Variants in EPB41L4A observed in about 807,000 individuals in gnomAD.
EPB41L4A encodes the protein band 4.1-like protein 4A.
EPB41L4A carries 100 observed loss-of-function variants against 108.6 expected under a neutral mutation model. That is an observed-to-expected ratio of 0.92 (90% CI 0.78 to 1.09). The LOEUF is 1.09. Among genes scored for constraint, EPB41L4A ranks in the 50% least tolerant of loss-of-function variants. The probability of loss-of-function intolerance (pLI) is 0.00; values close to 1 mark genes in which losing one functional copy is unlikely to be tolerated. For synonymous variants in EPB41L4A, 319 were observed against 289.0 expected (o/e 1.10, Z -1.05); for missense variants, 1,030 against 842.7 (o/e 1.22, Z -2.75).
chr5:112,236,025 T>C lies in EPB41L4A; in HGVS notation c.966-1270A>G, dbSNP rs79548336. Among the ~76,000 whole-genome samples, 1,301 of 152,298 alleles carry C rather than the reference T, an allele frequency of 8.5e-3. 18 individuals carry two copies. Among genetic ancestry groups the C allele is most frequent in the African/African-American group, 0.029 (1,220 of 41,562 alleles). ...TGGTCTGGAGTATGAAGATAAGGCC[T>C]ACTTTCAACAGACTATTAACAGAAA... On this transcript the variant is annotated intron_variant, in intron 11 of 22. Transcript: ENST00000261486.
chr5:112,383,566 CA>C (rs1760303534), intron 1 of EPB41L4A, among the ~76,000 whole-genome samples: 1 of 151,910 alleles, frequency 6.6e-6, no homozygotes. Context: ...TTTATAATGG[CA>C]AAAATTAAGT....
chr5:112,320,561 G>A (rs535687154), intron 1 of EPB41L4A, among the ~76,000 whole-genome samples: 7 of 152,294 alleles, frequency 4.6e-5, no homozygotes, highest in Admixed American at 1.3e-4. Flanking sequence ...GCCTGTTTCC[G>A]ATTCTACAAG....
rs376742179 is a variant in EPB41L4A at position 112,372,993 on chromosome 5, A to C, written c.99+45948T>G. 3.0e-4 allele frequency among the ~76,000 whole-genome samples: 45 copies of C among 152,344 alleles called. 1 individual carries two copies. In the South Asian group the frequency reaches 8.9e-3, roughly 30 times the overall value. On this transcript the variant is annotated intron_variant, in intron 1 of 22. Transcript: ENST00000261486. ...CGTGACATATGACACTAATAGTTCC[A>C]TATATTCTTTTTAAGAGCAATCGCT...
chr5:112,239,662 G>A lies in EPB41L4A; in HGVS notation c.963C>T (p.Tyr321=). The change falls in exon 11 of 23, where the codon TAC becomes TAT. Residue 321 remains tyrosine (Y), a splice_region_variant and synonymous_variant. Coordinates refer to ENST00000261486, the MANE Select transcript of EPB41L4A (RefSeq NM_022140.5). ...CCAAGGAAAAAAATGTCATTTACCTGTAGCGGTGCTTATAACGTATGGATC... is the reference window on the plus strand; with the variant it reads ...CCAAGGAAAAAAATGTCATTTACCTATAGCGGTGCTTATAACGTATGGATC... The part of the protein sequence containing the change: ...KFGSIRYKHR[Y]SGRTALQMSR... The A allele has an allele frequency of 6.3e-7, 1 of 1,595,438 alleles. No homozygotes were observed. The highest frequency in any genetic ancestry group is 8.5e-7 in the Non-Finnish European group (1 of 1,170,324).
chr5:112,212,509 G>A (rs780001761), intron 12 of EPB41L4A, among the ~76,000 whole-genome samples: 1 of 152,004 alleles, frequency 6.6e-6, no homozygotes, highest in East Asian at 1.9e-4. Context: ...TGGCCAGGCT[G>A]GTCTGGAACT....
intron 18 of EPB41L4A, among the ~76,000 whole-genome samples, chr5:112,176,560 C>G (rs888922073): frequency 2.6e-5 from 4 of 152,066 alleles, no homozygotes; most frequent in Non-Finnish European, 5.9e-5. Context: ...ATCCATAATA[C>G]CGCTCACACT....
chr5:112,258,301 A>C (rs1751250269), intron 9 of EPB41L4A, among the ~76,000 whole-genome samples: 1 of 152,200 alleles, frequency 6.6e-6, no homozygotes, highest in Non-Finnish European at 1.5e-5. Flanking sequence ...TCTGCCAAAT[A>C]CCATACCCCA....
chr5:112,208,536 T>C (rs945738357), intron 13 of EPB41L4A, among the ~76,000 whole-genome samples: 3 of 151,918 alleles, frequency 2.0e-5, no homozygotes, highest in Non-Finnish European at 4.4e-5. Flanking sequence ...TGAGTACACA[T>C]GGACATAAAG....
chr5:112,376,136 G>T (rs1339864954), intron 1 of EPB41L4A, among the ~76,000 whole-genome samples: 3 of 152,130 alleles, frequency 2.0e-5, no homozygotes, highest in Non-Finnish European at 4.4e-5. Flanking sequence ...CCAAAGAGAG[G>T]ACTAACATCT....
At chr5:112,419,624 T>A (rs1210581719), upstream of EPB41L4A, 1 of 455,444 alleles carries the variant, frequency 2.2e-6, no homozygotes, top group African/African-American at 2.0e-5. Flanking sequence ...TTCTTTTGTG[T>A]GAGGAGCACC....
intron 15 of EPB41L4A, among the ~76,000 whole-genome samples, chr5:112,199,732 A>G (rs948291057): frequency 8.5e-5 from 13 of 152,284 alleles, no homozygotes; most frequent in African/African-American, 2.9e-4. Flanking sequence ...CGAATTCAAA[A>G]AACTGAACAA....
chr5:112,284,825 G>C (rs1274208542), intron 2 of EPB41L4A, among the ~76,000 whole-genome samples: 4 of 152,150 alleles, frequency 2.6e-5, no homozygotes, highest in Admixed American at 2.6e-4. Flanking sequence ...AACCCGGAGA[G>C]CAATGACAGA....
At chr5:112,204,606 G>A in intron 14 of EPB41L4A, 118 bp from the exon 15 acceptor site, 1 of 567,212 alleles carries the variant, frequency 1.8e-6, no homozygotes, top group Non-Finnish European at 3.2e-6. Context: ...ATGCACCAGG[G>A]GCACGTGGTT....
chr5:112,168,673 A>G (rs1760392148), intron 22 of EPB41L4A, 66 bp downstream of exon 22: 1 of 1,336,008 alleles, frequency 7.5e-7, no homozygotes, highest in Admixed American at 1.7e-5. Context: ...GAACTTTCCA[A>G]AGCACAAAAT....
At chr5:112,217,260 G>A in intron 12 of EPB41L4A, among the ~76,000 whole-genome samples, 1 of 151,878 alleles carries the variant, frequency 6.6e-6, no homozygotes, top group East Asian at 1.9e-4. Context: ...TTTTATATTT[G>A]GCAAAACAGA....
intron 1 of EPB41L4A, among the ~76,000 whole-genome samples, chr5:112,341,233 A>G (rs2150699809): frequency 6.6e-6 from 1 of 152,324 alleles, no homozygotes; most frequent in Middle Eastern, 3.4e-3. Flanking sequence ...TCAAATTTTA[A>G]TTAAATTGTT....
rs181279024 is a variant in EPB41L4A at position 112,392,717 on chromosome 5, A to G, written c.99+26224T>C. 7 of 152,332 alleles carry G rather than the reference A, an allele frequency of 4.6e-5. No homozygotes were observed. The East Asian group carries it at 1.3e-3, about 29-fold the overall frequency. 9.4% of individuals were successfully genotyped at this position (152,332 alleles called of 1,614,324 possible). On this transcript the variant is annotated intron_variant, in intron 1 of 22. Coordinates refer to ENST00000261486, the MANE Select transcript of EPB41L4A (RefSeq NM_022140.5). ...GTTAAAAAGGATATCCAAGAATTGA[A>G]CTCACCTCTGCACCAAGTGGACCTA...
chr5:112,235,740 C>A (rs1024376421), intron 11 of EPB41L4A, among the ~76,000 whole-genome samples: 2 of 152,116 alleles, frequency 1.3e-5, no homozygotes, highest in African/African-American at 2.4e-5. Context: ...AAGATGCCTA[C>A]AAAACTTATA....
chr5:112,411,238 A>C (rs1164441689), intron 1 of EPB41L4A, among the ~76,000 whole-genome samples: 1 of 152,178 alleles, frequency 6.6e-6, no homozygotes, highest in Non-Finnish European at 1.5e-5. Context: ...TTGGGACTAC[A>C]GGTACAGATG....
Sources: gnomAD v4.1 joint callset for allele counts (sites outside exome capture counted in the v4.1 genomes callset) on GRCh38, gnomAD v4.1.1 for gene constraint, MANE v1.5 for transcripts, NCBI Gene and HGNC (gene_info 2026-07-23, HGNC 2026-07-21) for gene names.